Variants in ZNF277 observed in about 807,000 individuals in gnomAD.
ZNF277 encodes zinc finger protein 277, also known as nuclear receptor-interacting factor 4.
In ZNF277, 55 loss-of-function variants were observed where a neutral mutation model predicts 60.7. That is an observed-to-expected ratio of 0.91 (90% CI 0.73 to 1.13). ZNF277 has a LOEUF of 1.13. Ranked by LOEUF, ZNF277 falls within the 50% of genes most tolerant of loss-of-function variation. ZNF277 has a pLI of 0.00. For missense variants in ZNF277, 510 were observed against 523.0 expected (o/e 0.98, Z 0.24); for synonymous variants, 178 against 179.3 (o/e 0.99, Z 0.06).
chr7:112,279,026 T>C (rs987102959), intron 1 of ZNF277, among the ~76,000 whole-genome samples: 4 of 152,224 alleles, frequency 2.6e-5, no homozygotes, highest in Non-Finnish European at 5.9e-5. Context: ...ATTTCTCTTA[T>C]AATATCTTCA....
chr7:112,255,005 AC>A (rs923159845), intron 1 of ZNF277, among the ~76,000 whole-genome samples: 42 of 152,152 alleles, frequency 2.8e-4, no homozygotes, highest in Non-Finnish European at 5.9e-5. Flanking sequence ...AACAAAAAAA[AC>A]AAGTGATTGC....
intron 5 of ZNF277, among the ~76,000 whole-genome samples, chr7:112,327,430 G>A (rs531573462): frequency 2.6e-5 from 4 of 152,260 alleles, no homozygotes; most frequent in Admixed American, 2.0e-4. Flanking sequence ...TTCCTAACAG[G>A]CCATGGACCG....
chr7:112,261,969 G>C (rs1178234213), intron 1 of ZNF277, among the ~76,000 whole-genome samples: 1 of 152,016 alleles, frequency 6.6e-6, no homozygotes, highest in Admixed American at 6.6e-5. Flanking sequence ...TTTGCCAAAG[G>C]TTTAGAGTAT....
chr7:112,330,355 CT>C, intron 7 of ZNF277, 139 bp downstream of exon 7: 1 of 772,602 alleles, frequency 1.3e-6, no homozygotes, highest in Non-Finnish European at 2.1e-6. Flanking sequence ...TAGTGATTAG[CT>C]TTGAAATGGT....
At chr7:112,278,719 T>G (rs1791874494) in intron 1 of ZNF277, among the ~76,000 whole-genome samples, 3 of 152,186 alleles carry the variant, frequency 2.0e-5, no homozygotes, top group Non-Finnish European at 4.4e-5. Context: ...GACTTTTCTC[T>G]CCTGCTCTCC....
At chr7:112,275,540 A>G (rs900832098) in intron 1 of ZNF277, among the ~76,000 whole-genome samples, 3 of 152,168 alleles carry the variant, frequency 2.0e-5, no homozygotes, top group Non-Finnish European at 2.9e-5. Context: ...ACTTGACCAT[A>G]TATGTTTTAA....
intron 1 of ZNF277, among the ~76,000 whole-genome samples, chr7:112,229,601 C>A (rs1822269197): frequency 6.6e-6 from 1 of 152,094 alleles, no homozygotes; most frequent in Non-Finnish European, 1.5e-5. Context: ...ACAGTTTTCC[C>A]TAGAAAAAAA....
intron 2 of ZNF277, among the ~76,000 whole-genome samples, chr7:112,295,586 T>C (rs1345033582): frequency 6.6e-6 from 1 of 152,146 alleles, no homozygotes; most frequent in Non-Finnish European, 1.5e-5. Flanking sequence ...ATAAAAATAA[T>C]TCATTTTAAC....
chr7:112,253,632 C>A (rs577910766), intron 1 of ZNF277, among the ~76,000 whole-genome samples: 5 of 152,212 alleles, frequency 3.3e-5, no homozygotes, highest in African/African-American at 1.2e-4. Context: ...CCCATGTAGC[C>A]CCCAGCCTCA....
chr7:112,318,709 T>G (rs1372097640), intron 5 of ZNF277, among the ~76,000 whole-genome samples: 1 of 151,984 alleles, frequency 6.6e-6, no homozygotes, highest in African/African-American at 2.4e-5. Flanking sequence ...GCAGTACAAT[T>G]CAATTCTGGC....
chr7:112,314,843 G>A (rs4730526), intron 4 of ZNF277, among the ~76,000 whole-genome samples: 8,995 of 152,104 alleles, frequency 0.059, 722 homozygotes, highest in African/African-American at 0.18. Flanking sequence ...ACAGAGTATT[G>A]TGAATGCCAT....
chr7:112,331,408 A>G (rs1793227243), intron 7 of ZNF277, among the ~76,000 whole-genome samples: 1 of 152,222 alleles, frequency 6.6e-6, no homozygotes, highest in Admixed American at 6.5e-5. Context: ...TCTTAAGCAA[A>G]TGGAATTTTT....
At chr7:112,326,501 G>T (rs1793095974) in intron 5 of ZNF277, among the ~76,000 whole-genome samples, 1 of 152,110 alleles carries the variant, frequency 6.6e-6, no homozygotes, top group African/African-American at 2.4e-5. Flanking sequence ...TGTCTGGGCT[G>T]CCCCTGGGAA....
chr7:112,318,971 A>G (rs10253368), intron 5 of ZNF277, among the ~76,000 whole-genome samples: 1 of 152,086 alleles, frequency 6.6e-6, no homozygotes, highest in Non-Finnish European at 1.5e-5. Flanking sequence ...TACAGATTAG[A>G]AACAGCCAAA....
At chr7:112,313,786 CATA>C (rs1246135653) in intron 4 of ZNF277, among the ~76,000 whole-genome samples, 2 of 152,216 alleles carry the variant, frequency 1.3e-5, no homozygotes, top group South Asian at 2.1e-4. Flanking sequence ...ATATAAACTA[CATA>C]ATAAGTGCCA....
chr7:112,316,410 T>C (rs58870749), intron 4 of ZNF277, among the ~76,000 whole-genome samples: 4,428 of 152,168 alleles, frequency 0.029, 223 homozygotes, highest in African/African-American at 0.1. Context: ...CATATGATTG[T>C]TTGTTTTTTT....
intron 6 of ZNF277, among the ~76,000 whole-genome samples, chr7:112,329,866 C>T (rs1793182733): frequency 6.6e-6 from 1 of 152,142 alleles, no homozygotes; most frequent in African/African-American, 2.4e-5. Flanking sequence ...AACTGAATAG[C>T]AAAGTTGGTC....
At chr7:112,300,119 G>A (rs1263490428) in intron 4 of ZNF277, among the ~76,000 whole-genome samples, 4 of 152,096 alleles carry the variant, frequency 2.6e-5, no homozygotes, top group Non-Finnish European at 4.4e-5. Flanking sequence ...GTGAGTGGCT[G>A]GAGGTATATA....
chr7:112,285,501 C>G (rs760746399), intron 1 of ZNF277, among the ~76,000 whole-genome samples: 42 of 146,254 alleles, frequency 2.9e-4, no homozygotes, highest in Non-Finnish European at 5.9e-5. Context: ...GTGGCGCCAT[C>G]TCAGCTTACT....
Sources: gnomAD v4.1 joint callset for allele counts (sites outside exome capture counted in the v4.1 genomes callset) on GRCh38, gnomAD v4.1.1 for gene constraint, MANE v1.5 for transcripts, NCBI Gene and HGNC (gene_info 2026-07-23, HGNC 2026-07-21) for gene names.